The following KDM5A variants were observed in gnomAD, a reference collection of about 807,000 sequenced individuals.
KDM5A encodes lysine demethylase 5A, also known as lysine-specific demethylase 5A.
Under a neutral mutation model 193.5 loss-of-function variants are expected in KDM5A, and 42 were observed. The observed-to-expected ratio is 0.22, with a 90% CI of 0.17 to 0.28. The LOEUF (loss-of-function observed/expected upper bound fraction) is 0.28, where lower values mean the gene tolerates loss of function less well. KDM5A is among the 10% of genes least tolerant of loss of function. The pLI is 1.00. For missense variants in KDM5A, 1,692 were observed against 2,055.1 expected, an observed-to-expected ratio of 0.82 and a Z score of 3.42; for synonymous variants, 796 against 718.1, an observed-to-expected ratio of 1.11 and a Z score of -1.73.
In KDM5A at chr12:288,669, T is replaced by G. The variant is rs139257525; in HGVS notation, c.4867-3007A>C. On this transcript the variant is annotated intron_variant, in intron 27 of 27. Transcript: ENST00000399788. ...GAGCTTTTGTTATTTTGGCATTTAA[T>G]ATCTTTTGCACCCCAAGTTTCCTAG... Among the ~76,000 whole-genome samples the G allele has an allele frequency of 2.7e-3, 415 of 152,362 alleles. 2 individuals are homozygous for G. Among genetic ancestry groups the G allele is most frequent in the African/African-American group, 9.6e-3 (398 of 41,582 alleles).
At chr12:357,172 T>C (rs943001794) in intron 5 of KDM5A, among the ~76,000 whole-genome samples, 18 of 151,918 alleles carry the variant, frequency 1.2e-4, no homozygotes, top group Admixed American at 1.1e-3. Flanking sequence ...TCCCAGCTAC[T>C]TGGGAGGCTG....
intron 18 of KDM5A, among the ~76,000 whole-genome samples, chr12:318,958 G>A (rs987222568): frequency 6.6e-5 from 10 of 152,180 alleles, no homozygotes; most frequent in Non-Finnish European, 1.2e-4. Context: ...GGGTTGGGGA[G>A]GAACTACAAG....
chr12:285,698 A>C, intron 27 of KDM5A, 36 bp from the exon 28 acceptor site: 1 of 1,555,376 alleles, frequency 6.4e-7, no homozygotes, highest in Non-Finnish European at 8.9e-7. Context: ...TTTAGGTTAC[A>C]TAAACATTAA....
In KDM5A at chr12:343,752, C is replaced by T. The variant is rs138703645; in HGVS notation, c.1308+6869G>A. On this transcript the variant is annotated intron_variant, in intron 10 of 27. Coordinates refer to ENST00000399788, the MANE Select transcript of KDM5A (RefSeq NM_001042603.3). ...AAAAAGGTCATCTATACCAAAACCCCATCTGTAGATCACCAACATCAAAGA... is the reference window on the plus strand; with the variant it reads ...AAAAAGGTCATCTATACCAAAACCCTATCTGTAGATCACCAACATCAAAGA... Among the ~76,000 whole-genome samples the T allele has an allele frequency of 2.7e-3, 415 of 152,318 alleles. 2 individuals are homozygous for T. The highest frequency in any genetic ancestry group is 9.6e-3 in the African/African-American group (398 of 41,566).
rs946460900 is a variant in KDM5A, at chr12:283,763, C to T, written c.*1693G>A. The T allele has an allele frequency of 1.3e-5, 3 of 232,344 alleles. No homozygotes were observed. The East Asian group carries it at 1.8e-4, about 14-fold the overall frequency. 14.4% of individuals were successfully genotyped at this position (232,344 alleles called of 1,614,324 possible). ...AAGTCAAACCACAGATTTTTTTAAACCAAAATAAAGACACCAGACAGTGAT... is the reference window on the plus strand; with the variant it reads ...AAGTCAAACCACAGATTTTTTTAAATCAAAATAAAGACACCAGACAGTGAT... On this transcript the variant is annotated 3_prime_UTR_variant, in exon 28 of 28. Coordinates refer to ENST00000399788, the MANE Select transcript of KDM5A (RefSeq NM_001042603.3).
At chr12:349,841 C>T (rs530479863) in intron 10 of KDM5A, among the ~76,000 whole-genome samples, 1 of 151,724 alleles carries the variant, frequency 6.6e-6, no homozygotes, top group South Asian at 2.1e-4. Flanking sequence ...TTTTAAAATG[C>T]AGAGCTGGCC....
intron 27 of KDM5A, among the ~76,000 whole-genome samples, chr12:290,727 A>C (rs1943281690): frequency 6.7e-6 from 1 of 150,102 alleles, no homozygotes; most frequent in African/African-American, 2.5e-5. Flanking sequence ...GAAAAAAAAA[A>C]CGGCCTAAGT....
chr12:298,235 C>T (rs969398290), intron 24 of KDM5A, among the ~76,000 whole-genome samples: 2 of 152,206 alleles, frequency 1.3e-5, no homozygotes, highest in Non-Finnish European at 1.5e-5. Flanking sequence ...CCCTGGCCCC[C>T]GTGCATCCTG....
chr12:353,460 CTA>C (rs1207896541), intron 8 of KDM5A, among the ~76,000 whole-genome samples: 1 of 152,088 alleles, frequency 6.6e-6, no homozygotes, highest in East Asian at 1.9e-4. Context: ...AGAGAAAAAA[CTA>C]TGTTTTTCTT....
intron 10 of KDM5A, among the ~76,000 whole-genome samples, chr12:337,591 C>T (rs1943950704): frequency 6.6e-6 from 1 of 150,758 alleles, no homozygotes; most frequent in Admixed American, 6.6e-5. Context: ...AAAAGGGAAA[C>T]ATAAGTTTTG....
Position 306,971 on chromosome 12 carries a change from C to G in KDM5A, c.4049G>C (p.Arg1350Pro), listed in dbSNP as rs1449032009. 6.2e-7 allele frequency: 1 copy of G among 1,613,486 alleles called. No individual in the cohort carries two copies. Among genetic ancestry groups the G allele is most frequent in the Non-Finnish European group, 8.5e-7 (1 of 1,179,916 alleles). Residue 1350 changes from arginine (R) to proline (P), a missense_variant, in exon 24 of 28, where the codon CGA (arginine) becomes CCA (proline). Physicochemically the swap from Arg to Pro is moderately radical, Grantham distance 103. Coordinates refer to ENST00000399788, the MANE Select transcript of KDM5A (RefSeq NM_001042603.3). ...CTTCATGTCGTAGCCATATGTCTCT[C>G]GAATGTCTTCATCAGAGTCTGTTTC... ...DEETDSDEDI[R>P]ETYGYDMKDT...
intron 3 of KDM5A, among the ~76,000 whole-genome samples, chr12:375,536 C>T (rs944057821): frequency 2.0e-5 from 3 of 152,164 alleles, no homozygotes; most frequent in Non-Finnish European, 2.9e-5. Flanking sequence ...TCCTTTAGCT[C>T]GGAGAAGTCT....
intron 3 of KDM5A, among the ~76,000 whole-genome samples, chr12:369,340 C>G (rs1331255967): frequency 6.6e-6 from 1 of 152,198 alleles, no homozygotes; most frequent in Admixed American, 6.5e-5. Flanking sequence ...CTGCCAGCTA[C>G]TATTCTAGGT....
intron 20 of KDM5A, 28 bp downstream of exon 20, chr12:313,028 A>G (rs1179922502): frequency 6.2e-7 from 1 of 1,611,118 alleles, no homozygotes; most frequent in South Asian, 1.1e-5. Context: ...ATTACCTGAT[A>G]GGTGGGATAA....
chr12:290,651 T>C (rs536711669), intron 27 of KDM5A, among the ~76,000 whole-genome samples: 6 of 152,372 alleles, frequency 3.9e-5, no homozygotes, highest in African/African-American at 1.2e-4. Flanking sequence ...AGAGATTGTT[T>C]TGTCTTATCA....
intron 15 of KDM5A, 97 bp from the exon 16 acceptor site, chr12:323,303 A>C: frequency 7.2e-7 from 1 of 1,387,646 alleles, no homozygotes; most frequent in Non-Finnish European, 9.7e-7. Context: ...AAATATAACC[A>C]GCTTAAGGAA....
At chr12:291,748 G>A (rs903561690) in intron 27 of KDM5A, among the ~76,000 whole-genome samples, 10 of 152,052 alleles carry the variant, frequency 6.6e-5, no homozygotes, top group East Asian at 3.9e-4. Flanking sequence ...GATAAGAGCC[G>A]TAACAGGTGC....
chr12:321,232 A>T (rs967294814), intron 17 of KDM5A, 123 bp from the exon 18 acceptor site: 2 of 730,566 alleles, frequency 2.7e-6, no homozygotes, highest in Non-Finnish European at 4.9e-6. Context: ...TTGAAGGATA[A>T]CACCACAATG....
In KDM5A at chr12:329,071, T is replaced by C. The variant is rs766523129; in HGVS notation, c.1774-42A>G. 11 of 1,556,872 alleles carry C rather than the reference T, an allele frequency of 7.1e-6. No homozygotes were observed. In the East Asian group the frequency reaches 1.8e-4, roughly 25 times the overall value. ...CAAATTAAATAACTCGCTTATAACA[T>C]ATCCCAGCACAGAACCACTACTTAC... On this transcript the variant is annotated intron_variant, in intron 13 of 27. Coordinates refer to ENST00000399788, the MANE Select transcript of KDM5A (RefSeq NM_001042603.3).
Sources: gnomAD v4.1 joint callset for allele counts (sites outside exome capture counted in the v4.1 genomes callset) on GRCh38, gnomAD v4.1.1 for gene constraint, MANE v1.5 for transcripts, NCBI Gene and HGNC (gene_info 2026-07-23, HGNC 2026-07-21) for gene names.